TRPM3: variants seen among roughly 807,000 people sequenced by gnomAD.
The protein encoded by TRPM3 is long transient receptor potential channel 3.
In TRPM3, 77 loss-of-function variants were observed where a neutral mutation model predicts 181.2. The ratio of observed to expected loss-of-function variants is 0.42; its 90% CI spans 0.35 to 0.51. TRPM3 has a LOEUF of 0.51. TRPM3 is among the 20% of genes least tolerant of loss of function. The probability of loss-of-function intolerance (pLI) is 0.01; values close to 1 mark genes in which losing one functional copy is unlikely to be tolerated. For missense variants in TRPM3, 1,759 were observed against 2,196.7 expected (o/e 0.80, Z 3.98); for synonymous variants, 745 against 796.4 (o/e 0.94, Z 1.09).
At chr9:71,171,390 G>T (rs2076847376) in intron 1 of TRPM3, among the ~76,000 whole-genome samples, 1 of 152,082 alleles carries the variant, frequency 6.6e-6, no homozygotes, top group South Asian at 2.1e-4. Context: ...GGTTTTTGTG[G>T]CTTGTGGGGC....
chr9:70,613,023 G>T (rs2062220190), intron 18 of TRPM3, among the ~76,000 whole-genome samples: 1 of 152,130 alleles, frequency 6.6e-6, no homozygotes. Context: ...TAGGCAAAGT[G>T]GAGACATTTA....
intron 1 of TRPM3, among the ~76,000 whole-genome samples, chr9:71,160,278 A>T (rs1453566445): frequency 2.0e-5 from 3 of 152,076 alleles, no homozygotes; most frequent in Non-Finnish European, 4.4e-5. Flanking sequence ...GTTATCCTTC[A>T]TCTTACAAGG....
intron 9 of TRPM3, among the ~76,000 whole-genome samples, chr9:70,646,451 C>T (rs1214044815): frequency 6.6e-6 from 1 of 152,146 alleles, no homozygotes; most frequent in Non-Finnish European, 1.5e-5. Flanking sequence ...CCATCATTCT[C>T]AGCAAACTAA....
At chr9:71,420,588 A>AAAAGAG (rs1316163550) in intron 1 of TRPM3, among the ~76,000 whole-genome samples, 1,596 of 149,656 alleles carry the variant, frequency 0.011, 19 homozygotes, top group Non-Finnish European at 0.016. Flanking sequence ...AAGAGAAAGA[A>AAAAGAG]AAAGAGAAAG....
intron 1 of TRPM3, among the ~76,000 whole-genome samples, chr9:71,307,974 CTTT>C (rs1195485360): frequency 7.0e-6 from 1 of 142,208 alleles, no homozygotes. Context: ...TTCTTTCTTT[CTTT>C]TTTTTTTTTT....
chr9:70,997,561 T>C (rs1346019162), intron 1 of TRPM3, among the ~76,000 whole-genome samples: 1 of 152,182 alleles, frequency 6.6e-6, no homozygotes, highest in Non-Finnish European at 1.5e-5. Context: ...GATTCTTTCC[T>C]AGGACTACCA....
chr9:71,288,064 A>T (rs548343219), intron 1 of TRPM3, among the ~76,000 whole-genome samples: 2 of 152,122 alleles, frequency 1.3e-5, no homozygotes, highest in East Asian at 3.8e-4. Context: ...AAATATTTTT[A>T]AAATGTTAAA....
Position 71,202,102 on chromosome 9 carries a change from CCT to C in TRPM3, c.183+244549_183+244550del, listed in dbSNP as rs1349841670. On this transcript the variant is annotated intron_variant, in intron 1 of 24. Transcript: ENST00000357533. ...AGTTTGCTAGAGGTCCACTCCAGAC[CCT>C]GTTTGCCTGGGTATCAGCAGTGGTG... Among the ~76,000 whole-genome samples the C allele has an allele frequency of 1.1e-4, 16 of 152,234 alleles. No individual in the cohort carries two copies. In the East Asian group the frequency reaches 1.7e-3, roughly 17 times the overall value.
At chr9:70,580,978 G>C (rs997780886) in intron 22 of TRPM3, among the ~76,000 whole-genome samples, 2 of 152,232 alleles carry the variant, frequency 1.3e-5, no homozygotes, top group Non-Finnish European at 2.9e-5. Flanking sequence ...TCGTGGCACA[G>C]AGCCTGGCAC....
chr9:71,026,109 T>A (rs2097894643), intron 1 of TRPM3, among the ~76,000 whole-genome samples: 1 of 152,034 alleles, frequency 6.6e-6, no homozygotes, highest in East Asian at 1.9e-4. Flanking sequence ...CAGTGCAGAG[T>A]CCAGAAGGTT....
chr9:70,760,487 G>A (rs141250278), intron 8 of TRPM3, among the ~76,000 whole-genome samples: 3 of 149,680 alleles, frequency 2.0e-5, no homozygotes, highest in East Asian at 2.0e-4. Context: ...AGCCATGACC[G>A]TGTGCCCCAC....
At chr9:71,299,434 T>C (rs1433845439) in intron 1 of TRPM3, among the ~76,000 whole-genome samples, 1 of 148,676 alleles carries the variant, frequency 6.7e-6, no homozygotes, top group East Asian at 2.0e-4. Flanking sequence ...AATGAGGGAA[T>C]TGAAACTGAG....
chr9:70,618,579 C>T (rs2063143279), intron 17 of TRPM3, among the ~76,000 whole-genome samples: 1 of 152,172 alleles, frequency 6.6e-6, no homozygotes, highest in African/African-American at 2.4e-5. Context: ...AATGGCAGCC[C>T]CTGCAGTACC....
At chr9:70,639,329 G>A (rs1490970531) in intron 10 of TRPM3, 135 bp from the exon 11 acceptor site, 1 of 929,266 alleles carries the variant, frequency 1.1e-6, no homozygotes, top group South Asian at 1.9e-5. Context: ...GAACATGCTA[G>A]CAAGACTGTT....
chr9:71,105,398 G>C (rs1013505898), intron 1 of TRPM3, among the ~76,000 whole-genome samples: 4 of 152,168 alleles, frequency 2.6e-5, no homozygotes, highest in African/African-American at 9.7e-5. Context: ...GGGTCACATG[G>C]GAAAAACACC....
chr9:70,937,016 T>C (rs1356010182), intron 1 of TRPM3, among the ~76,000 whole-genome samples: 1 of 152,252 alleles, frequency 6.6e-6, no homozygotes, highest in African/African-American at 2.4e-5. Flanking sequence ...AATGATTGTA[T>C]ACTTTTGTTC....
At chr9:71,296,511 C>G (rs2086271280) in intron 1 of TRPM3, among the ~76,000 whole-genome samples, 1 of 152,004 alleles carries the variant, frequency 6.6e-6, no homozygotes, top group Non-Finnish European at 1.5e-5. Context: ...TGCAAAACAG[C>G]AAGGAGAGAA....
intron 1 of TRPM3, among the ~76,000 whole-genome samples, chr9:71,171,739 G>C (rs1408920263): frequency 1.3e-5 from 2 of 152,164 alleles, no homozygotes; most frequent in African/African-American, 4.8e-5. Flanking sequence ...CATTACTCAG[G>C]CTGTGAACTG....
intron 1 of TRPM3, among the ~76,000 whole-genome samples, chr9:71,227,130 A>G (rs958117246): frequency 8.6e-5 from 13 of 150,710 alleles, no homozygotes; most frequent in Admixed American, 2.0e-4. Flanking sequence ...AAAAAAAAAA[A>G]AGAGAGAAAT....
Sources: allele counts gnomAD v4.1 joint callset (sites outside exome capture counted in the v4.1 genomes callset), GRCh38; gene constraint gnomAD v4.1.1; transcripts MANE v1.5; gene names NCBI Gene and HGNC (gene_info 2026-07-23, HGNC 2026-07-21).